Variants in SRGAP3 observed in about 807,000 individuals in gnomAD.
The protein encoded by SRGAP3 is SLIT-ROBO Rho GTPase activating protein 3.
Under a neutral mutation model 121.1 loss-of-function variants are expected in SRGAP3, and 39 were observed. The ratio of observed to expected loss-of-function variants is 0.32; its 90% confidence interval spans 0.25 to 0.42. The LOEUF is 0.42. SRGAP3 is among the 10% of genes least tolerant of loss of function. The pLI is 1.00. For missense variants in SRGAP3, 1,213 were observed against 1,470.6 expected (o/e 0.82, Z 2.86); for synonymous variants, 601 against 570.0 (o/e 1.05, Z -0.77).
chr3:9,174,603 A>G (rs1951107885), intron 1 of SRGAP3, among the ~76,000 whole-genome samples: 1 of 152,210 alleles, frequency 6.6e-6, no homozygotes, highest in African/African-American at 2.4e-5. Flanking sequence ...CACTGAATGT[A>G]CCAGCAAAGA....
In SRGAP3 at chr3:9,212,733, G is replaced by T. The variant is rs190554352; in HGVS notation, c.67+36152C>A. Among the ~76,000 whole-genome samples, 47 of 152,254 alleles carry T rather than the reference G, an allele frequency of 3.1e-4. No homozygotes were observed. The East Asian group carries it at 8.3e-3, about 27-fold the overall frequency. Reference sequence around the variant, plus strand: ...CGTCTCAAAAAAAGAAAGAAAGAAAGCTGGAATGACTTCTGCTAGACTATA... The same window carrying T: ...CGTCTCAAAAAAAGAAAGAAAGAAATCTGGAATGACTTCTGCTAGACTATA... On this transcript the variant is annotated intron_variant, in intron 1 of 21. Coordinates refer to ENST00000383836, the MANE Select transcript of SRGAP3 (RefSeq NM_014850.4).
chr3:9,237,185 G>A (rs2125230865), intron 1 of SRGAP3, among the ~76,000 whole-genome samples: 1 of 152,268 alleles, frequency 6.6e-6, no homozygotes, highest in South Asian at 2.1e-4. Flanking sequence ...TCCATCACAA[G>A]AACACCTATA....
At chr3:9,354,465 G>C (rs937351136) in intron 1 of SRGAP3, among the ~76,000 whole-genome samples, 2 of 152,152 alleles carry the variant, frequency 1.3e-5, no homozygotes, top group East Asian at 1.9e-4. Context: ...GGATCACGAG[G>C]TTAGGAGATC....
At position 9,039,011 on chromosome 3, in the gene SRGAP3, C is replaced by T. The variant is rs543600818; in HGVS notation, c.1409-921G>A. On this transcript the variant is annotated intron_variant, in intron 10 of 21. Coordinates refer to ENST00000383836, the MANE Select transcript of SRGAP3 (RefSeq NM_014850.4). ...TCTGGAGGCACTACTGCTTCCTCCC[C>T]TGCTATTCCCTCCTCACCTCTTTGC... 2.0e-5 allele frequency among the ~76,000 whole-genome samples: 3 copies of T among 152,244 alleles called. No individual in the cohort carries two copies. In the East Asian group the frequency reaches 5.8e-4, roughly 29 times the overall value.
chr3:9,342,166 C>A (rs1034113504), intron 1 of SRGAP3, among the ~76,000 whole-genome samples: 1 of 152,132 alleles, frequency 6.6e-6, no homozygotes, highest in Non-Finnish European at 1.5e-5. Context: ...GTCTGGCCAA[C>A]ATGGCAAAAC....
chr3:9,327,154 T>TAAGGTAA (rs1277939948), intron 2 of SRGAP3, among the ~76,000 whole-genome samples: 1 of 151,912 alleles, frequency 6.6e-6, no homozygotes, highest in Non-Finnish European at 1.5e-5. Context: ...TTTTAATCAG[T>TAAGGTAA]TTTACCGTAA....
chr3:9,331,469 C>G (rs1224059647), intron 1 of SRGAP3, among the ~76,000 whole-genome samples: 1 of 152,188 alleles, frequency 6.6e-6, no homozygotes, highest in African/African-American at 2.4e-5. Context: ...AGCTGGCTGG[C>G]TCAGATGGCA....
chr3:9,303,734 A>T (rs1353053505), intron 3 of SRGAP3, among the ~76,000 whole-genome samples: 1 of 152,220 alleles, frequency 6.6e-6, no homozygotes, highest in Non-Finnish European at 1.5e-5. Context: ...CAATTTGAAA[A>T]GTCTACAATA....
chr3:9,081,334 T>C, intron 3 of SRGAP3: 1 of 454,886 alleles, frequency 2.2e-6, no homozygotes. Context: ...GAAGTACAGG[T>C]TGGCAGAAAG....
chr3:9,085,991 C>G (rs1947451970), intron 3 of SRGAP3, among the ~76,000 whole-genome samples: 1 of 152,102 alleles, frequency 6.6e-6, no homozygotes, highest in Admixed American at 6.6e-5. Flanking sequence ...AAAAAAGCTC[C>G]CCACCAGGCT....
At chr3:9,248,330 C>A (rs1013245155) in intron 1 of SRGAP3, among the ~76,000 whole-genome samples, 1 of 152,172 alleles carries the variant, frequency 6.6e-6, no homozygotes, top group Non-Finnish European at 1.5e-5. Context: ...ACAGTTAATC[C>A]ATGGCAACCC....
chr3:9,069,407 G>A (rs1487559618), intron 4 of SRGAP3, among the ~76,000 whole-genome samples: 1 of 152,164 alleles, frequency 6.6e-6, no homozygotes, highest in African/African-American at 2.4e-5. Context: ...CTCAGCTGAG[G>A]CCAAGTTCCT....
intron 3 of SRGAP3, among the ~76,000 whole-genome samples, chr3:9,263,190 C>T (rs760778587): frequency 1.2e-4 from 19 of 152,224 alleles, no homozygotes; most frequent in Non-Finnish European, 2.1e-4. Context: ...ATACGAAGTA[C>T]CAGAATCTCT....
At chr3:9,174,352 G>GT (rs1412887231) in intron 1 of SRGAP3, among the ~76,000 whole-genome samples, 1 of 152,302 alleles carries the variant, frequency 6.6e-6, no homozygotes, top group East Asian at 1.9e-4. Flanking sequence ...TCTGCTATGT[G>GT]TTTTTTATCA....
chr3:9,252,200 C>A (rs955572223), upstream of SRGAP3, among the ~76,000 whole-genome samples: 1 of 152,128 alleles, frequency 6.6e-6, no homozygotes, highest in Non-Finnish European at 1.5e-5. Context: ...TATGCCTGCA[C>A]CTTCCACCAT....
chr3:9,319,364 T>A (rs752472639), intron 3 of SRGAP3, among the ~76,000 whole-genome samples: 8 of 151,816 alleles, frequency 5.3e-5, no homozygotes, highest in Non-Finnish European at 8.8e-5. Context: ...AGGGGATGTG[T>A]GTTAGGAAAT....
intron 1 of SRGAP3, among the ~76,000 whole-genome samples, chr3:9,237,075 C>A (rs1480030448): frequency 2.6e-5 from 4 of 152,176 alleles, no homozygotes; most frequent in East Asian, 3.8e-4. Flanking sequence ...CTGGATTTTT[C>A]ATCTTCCTGC....
chr3:9,322,613 C>A (rs1243673267), intron 3 of SRGAP3, among the ~76,000 whole-genome samples: 1 of 151,740 alleles, frequency 6.6e-6, no homozygotes, highest in Non-Finnish European at 1.5e-5. Context: ...ACTGCACATG[C>A]AAGGGATGTA....
At chr3:9,315,460 A>T (rs1329462023) in intron 3 of SRGAP3, among the ~76,000 whole-genome samples, 1 of 152,244 alleles carries the variant, frequency 6.6e-6, no homozygotes, top group Non-Finnish European at 1.5e-5. Flanking sequence ...CTGTGAGTGG[A>T]ACCTCACAGA....
Sources: allele counts gnomAD v4.1 joint callset (sites outside exome capture counted in the v4.1 genomes callset), GRCh38; gene constraint gnomAD v4.1.1; transcripts MANE v1.5; gene names NCBI Gene and HGNC (gene_info 2026-07-23, HGNC 2026-07-21).